Variants in IL20RA observed in about 807,000 individuals in gnomAD.
The protein encoded by IL20RA is interleukin-20 receptor subunit alpha.
Under a neutral mutation model 36.5 loss-of-function variants are expected in IL20RA, and 29 were observed. The ratio of observed to expected loss-of-function variants is 0.79; its 90% CI spans 0.59 to 1.08. The LOEUF (loss-of-function observed/expected upper bound fraction) is 1.08, where lower values mean the gene tolerates loss of function less well. IL20RA is among the 50% of genes least tolerant of loss of function. The pLI is 0.00. For missense variants in IL20RA, 652 were observed against 668.4 expected (o/e 0.98, Z 0.27); for synonymous variants, 279 against 267.1 (o/e 1.04, Z -0.43).
At chr6:137,013,261 T>C (rs1775561263) in intron 2 of IL20RA, among the ~76,000 whole-genome samples, 1 of 152,142 alleles carries the variant, frequency 6.6e-6, no homozygotes, top group African/African-American at 2.4e-5. Context: ...CCCTCCCTCC[T>C]CAAACTTCCT....
chr6:137,030,067 C>T (rs6907431), intron 1 of IL20RA, among the ~76,000 whole-genome samples: 4,539 of 36,622 alleles, frequency 0.12, 108 homozygotes, highest in Non-Finnish European at 0.2. Flanking sequence ...CAGCGGTTTG[C>T]GGGTTTTTTT....
intron 1 of IL20RA, among the ~76,000 whole-genome samples, chr6:137,038,823 C>T (rs745446030): frequency 3.3e-5 from 5 of 151,718 alleles, no homozygotes; most frequent in Non-Finnish European, 7.4e-5. Context: ...TAAAATGTAA[C>T]GCATATAATG....
intron 1 of IL20RA, among the ~76,000 whole-genome samples, chr6:137,034,962 A>G (rs1776437128): frequency 6.6e-6 from 1 of 151,314 alleles, no homozygotes; most frequent in Admixed American, 6.6e-5. Flanking sequence ...AAAAAAAAAA[A>G]AGAGTGGGAA....
Position 137,001,801 on chromosome 6 carries a change from T to TTCCTCCGGCCCC in IL20RA, c.1407_1418dup (p.Gly470_Glu473dup). 1 of 1,613,316 alleles carries TTCCTCCGGCCCC rather than the reference T, an allele frequency of 6.2e-7. No individual in the cohort carries two copies. Among genetic ancestry groups the TTCCTCCGGCCCC allele is most frequent in the Non-Finnish European group, 8.5e-7 (1 of 1,179,482 alleles). ...AGTCGACCAGGGTCGTCGATGGCTC[T>TTCCTCCGGCCCC]TCCTCCGGCCCCTCCTCCGAGTCTG... On this transcript the variant is annotated inframe_insertion, in exon 7 of 7. Coordinates refer to ENST00000316649, the MANE Select transcript of IL20RA (RefSeq NM_014432.4).
chr6:137,035,929 G>A (rs1776475440), intron 1 of IL20RA, among the ~76,000 whole-genome samples: 1 of 152,194 alleles, frequency 6.6e-6, no homozygotes, highest in African/African-American at 2.4e-5. Flanking sequence ...ATATGAAAAT[G>A]GTCTTTGTTG....
intron 1 of IL20RA, among the ~76,000 whole-genome samples, chr6:137,034,545 A>G (rs1441647573): frequency 1.3e-5 from 2 of 152,062 alleles, no homozygotes. Flanking sequence ...TTAGCTATTT[A>G]TCCTGATGCT....
At chr6:137,004,956 G>C (rs75890398) in intron 5 of IL20RA, among the ~76,000 whole-genome samples, 196 bp from the exon 6 acceptor site, 89 of 152,224 alleles carry the variant, frequency 5.8e-4, no homozygotes, top group African/African-American at 2.0e-3. Context: ...TACTCTCCCT[G>C]ACAAGAGACG....
chr6:137,011,212 A>G, intron 3 of IL20RA, 62 bp downstream of exon 3: 1 of 1,361,194 alleles, frequency 7.3e-7, no homozygotes, highest in East Asian at 2.3e-5. Context: ...TGTGAGGCTG[A>G]GACTGTTAAA....
chr6:137,023,772 C>T (rs970497922), intron 1 of IL20RA, among the ~76,000 whole-genome samples: 1 of 152,164 alleles, frequency 6.6e-6, no homozygotes, highest in Non-Finnish European at 1.5e-5. Context: ...ATGCTTTTAT[C>T]TATTTTGATG....
chr6:137,031,642 C>T (rs1562240913), intron 1 of IL20RA, among the ~76,000 whole-genome samples: 1 of 152,150 alleles, frequency 6.6e-6, no homozygotes, highest in African/African-American at 2.4e-5. Context: ...GATGAAATCA[C>T]CTAAGGACAC....
Position 137,044,739 on chromosome 6 carries a change from G to T in IL20RA, c.-11C>A. The T allele has an allele frequency of 1.6e-6, 2 of 1,215,762 alleles. No homozygotes were observed. Among genetic ancestry groups the T allele is most frequent in the Non-Finnish European group, 2.0e-6 (2 of 977,976 alleles). The allele number at this position is 1,215,762 out of a possible 1,614,324, so 75.3% of individuals were successfully genotyped here. ...GCCGGGAGCCCGCATGGGCGGCGGG[G>T]CTGGGTCACATGTCGGGGGGCAGCA... On this transcript the variant is annotated 5_prime_UTR_variant, in exon 1 of 7. Coordinates refer to ENST00000316649, the MANE Select transcript of IL20RA (RefSeq NM_014432.4).
At chr6:137,026,822 A>C (rs1481057460) in intron 1 of IL20RA, among the ~76,000 whole-genome samples, 2 of 152,230 alleles carry the variant, frequency 1.3e-5, no homozygotes, top group African/African-American at 4.8e-5. Flanking sequence ...TTCTCTTGAA[A>C]AATATTAATT....
intron 1 of IL20RA, among the ~76,000 whole-genome samples, chr6:137,034,688 C>T (rs1222567870): frequency 6.6e-6 from 1 of 152,072 alleles, no homozygotes; most frequent in African/African-American, 2.4e-5. Flanking sequence ...CGCCTGTAAT[C>T]CCAGCACTTT....
intron 1 of IL20RA, among the ~76,000 whole-genome samples, chr6:137,031,070 T>C (rs1045798877): frequency 2.0e-5 from 3 of 152,250 alleles, no homozygotes; most frequent in Non-Finnish European, 4.4e-5. Flanking sequence ...TATGAATAAC[T>C]GCCATTATTA....
chr6:137,036,823 T>C (rs1196313340), intron 1 of IL20RA, among the ~76,000 whole-genome samples: 3 of 152,232 alleles, frequency 2.0e-5, no homozygotes, highest in African/African-American at 7.2e-5. Flanking sequence ...GTTGCTTGCT[T>C]GTATCTTTCC....
rs894485909 is a variant in IL20RA, at chr6:137,044,901, C to T, written c.-173G>A. ...CCACAGCCGCGTCCCCCAGGCTTCC[C>T]CAGAAACCAAGGGCGAGCGACTCGC... On this transcript the variant is annotated 5_prime_UTR_variant, in exon 1 of 7. Transcript: ENST00000316649. The T allele has an allele frequency of 5.6e-6, 3 of 538,116 alleles. No individual in the cohort carries two copies. Among genetic ancestry groups the T allele is most frequent in the Non-Finnish European group, 8.2e-6 (3 of 367,710 alleles). 33.3% of individuals were successfully genotyped at this position (538,116 alleles called of 1,614,324 possible).
chr6:137,019,418 C>T (rs1283668992), intron 1 of IL20RA, among the ~76,000 whole-genome samples: 13 of 152,054 alleles, frequency 8.5e-5, no homozygotes, highest in East Asian at 1.9e-4. Flanking sequence ...TATGAGCCAC[C>T]GCGCCCAGCC....
chr6:137,002,297 A>G lies in IL20RA; in HGVS notation c.923T>C (p.Val308Ala). ...KRFFVPAEKI[V>A]INFITLNISD... Reference sequence around the variant, plus strand: ...GATATTGAGGGTGATAAAGTTAATCACGATTTTTTCAGCAGGCACAAAGAA... The same window carrying G: ...GATATTGAGGGTGATAAAGTTAATCGCGATTTTTTCAGCAGGCACAAAGAA... Residue 308 changes from valine (V) to alanine (A), a missense_variant, in exon 7 of 7, where the codon GTG becomes GCG. By Grantham distance (64) the Val-to-Ala change is moderately conservative. Coordinates refer to ENST00000316649, the MANE Select transcript of IL20RA (RefSeq NM_014432.4). 6.2e-7 allele frequency: 1 copy of G among 1,609,440 alleles called. No individual in the cohort carries two copies. The highest frequency in any genetic ancestry group is 8.5e-7 in the Non-Finnish European group (1 of 1,178,784).
chr6:137,031,366 C>T (rs1776274131), intron 1 of IL20RA, among the ~76,000 whole-genome samples: 1 of 152,180 alleles, frequency 6.6e-6, no homozygotes, highest in Admixed American at 6.5e-5. Context: ...ACCACTGGTG[C>T]ACACTTCAGA....
Sources: allele counts gnomAD v4.1 joint callset (sites outside exome capture counted in the v4.1 genomes callset), GRCh38; gene constraint gnomAD v4.1.1; transcripts MANE v1.5; gene names NCBI Gene and HGNC (gene_info 2026-07-23, HGNC 2026-07-21).